The following BPIFB2 variants were observed in gnomAD, a reference collection of about 807,000 sequenced individuals.
BPIFB2 encodes BPI fold-containing family B member 2.
In BPIFB2, 39 loss-of-function variants were observed where a neutral mutation model predicts 50.1. The observed-to-expected ratio is 0.78, with a 90% CI of 0.60 to 1.02. The LOEUF is 1.02. Ranked by LOEUF, BPIFB2 falls within the 50% of genes least tolerant of loss-of-function variation. The pLI is 0.00. For synonymous variants in BPIFB2, 280 were observed against 256.3 expected (o/e 1.09, Z -0.88); for missense variants, 574 against 585.8 (o/e 0.98, Z 0.21).
intron 3 of BPIFB2, among the ~76,000 whole-genome samples, chr20:33,011,659 AAT>A (rs1377057626): frequency 1.3e-5 from 2 of 152,318 alleles, no homozygotes; most frequent in South Asian, 4.1e-4. Flanking sequence ...GAATCCATCA[AAT>A]TTGGAATGAT....
chr20:33,018,737 T>C lies in BPIFB2; in HGVS notation c.770T>C (p.Val257Ala). The change falls in exon 9 of 16, where the codon GTG (valine) becomes GCG (alanine). Residue 257 changes from valine (V) to alanine (A), a missense_variant. By Grantham distance (64) the Val-to-Ala change is moderately conservative (BLOSUM62 0). Coordinates refer to ENST00000170150, the MANE Select transcript of BPIFB2 (RefSeq NM_025227.3). ...HVGTEGSMAT[V>A]GLSQQLFDSA... ...GGTACCGAGGGCTCCATGGCCACCGTGGGCCTCTCCCAGCAGCTGTTTGAC... is the reference window on the plus strand; with the variant it reads ...GGTACCGAGGGCTCCATGGCCACCGCGGGCCTCTCCCAGCAGCTGTTTGAC... The C allele has an allele frequency of 1.2e-6, 2 of 1,614,242 alleles. No homozygotes were observed. Among genetic ancestry groups the C allele is most frequent in the Non-Finnish European group, 1.7e-6 (2 of 1,180,038 alleles).
At chr20:33,014,029 C>T in intron 5 of BPIFB2, 73 bp downstream of exon 5, 1 of 1,531,990 alleles carries the variant, frequency 6.5e-7, no homozygotes, top group Non-Finnish European at 8.8e-7. Flanking sequence ...CTGAGCTGCC[C>T]ACTCAGGACT....
chr20:33,023,228 C>A, intron 15 of BPIFB2, 114 bp from the exon 16 acceptor site: 1 of 1,085,546 alleles, frequency 9.2e-7, no homozygotes, highest in East Asian at 2.4e-5. Flanking sequence ...AAAGGACTCT[C>A]CTCACAACCC....
chr20:33,017,212 G>A, intron 7 of BPIFB2, 110 bp downstream of exon 7: 2 of 897,048 alleles, frequency 2.2e-6, no homozygotes, highest in Non-Finnish European at 3.3e-6. Flanking sequence ...AGGAGAGTCA[G>A]TTGTAGGGTG....
At chr20:33,011,212 C>A (rs747577958) in intron 3 of BPIFB2, 95 bp downstream of exon 3, 3 of 1,222,718 alleles carry the variant, frequency 2.5e-6, no homozygotes, top group Middle Eastern at 2.2e-4. Context: ...GGCATGTGCT[C>A]CTGCCTGCTG....
Position 33,015,423 on chromosome 20 carries a change from G to A in BPIFB2, c.456-13G>A. 1 of 1,610,702 alleles carries A rather than the reference G, an allele frequency of 6.2e-7. No homozygotes were observed. On this transcript the variant is annotated splice_polypyrimidine_tract_variant and intron_variant, in intron 5 of 15. Transcript: ENST00000170150. Reference sequence around the variant, plus strand: ...TTGGGAGCCCAGGAACTCTTTCTGTGTTTCTCCCTCAGCACCTCCCACGCG... The same window carrying A: ...TTGGGAGCCCAGGAACTCTTTCTGTATTTCTCCCTCAGCACCTCCCACGCG...
intron 6 of BPIFB2, 44 bp downstream of exon 6, chr20:33,015,540 C>T (rs1037846445): frequency 8.6e-6 from 13 of 1,517,032 alleles, no homozygotes; most frequent in South Asian, 1.1e-5. Flanking sequence ...CATGGCTTCA[C>T]CGAGAAGGCA....
chr20:33,023,539 G>A lies in BPIFB2; in HGVS notation c.*156G>A. The A allele has an allele frequency of 1.2e-6, 1 of 803,242 alleles. No homozygotes were observed. Among genetic ancestry groups the A allele is most frequent in the South Asian group, 1.6e-5 (1 of 63,214 alleles). 49.8% of individuals were successfully genotyped at this position (803,242 alleles called of 1,614,324 possible). On this transcript the variant is annotated 3_prime_UTR_variant, in exon 16 of 16. Transcript: ENST00000170150. ...CTGTTTTATCTTCCCTGAGTGCCTG[G>A]GTCTCCCTCCCTCACTTCTGCCCTT...
chr20:33,008,248 C>T (rs1263449863), intron 1 of BPIFB2, among the ~76,000 whole-genome samples: 1 of 152,214 alleles, frequency 6.6e-6, no homozygotes, highest in East Asian at 1.9e-4. Flanking sequence ...TCCTTCTATG[C>T]CATGGCTTGG....
intron 2 of BPIFB2, 124 bp downstream of exon 2, chr20:33,008,807 T>G (rs1315594415): frequency 2.5e-6 from 2 of 784,632 alleles, no homozygotes. Context: ...GGAAGTTGTG[T>G]CCCTGGCACC....
chr20:33,022,093 A>C (rs964415909), intron 15 of BPIFB2, among the ~76,000 whole-genome samples: 17 of 152,202 alleles, frequency 1.1e-4, no homozygotes, highest in African/African-American at 3.9e-4. Context: ...GGAGCAGATG[A>C]CAGTGGGACT....
intron 2 of BPIFB2, among the ~76,000 whole-genome samples, chr20:33,010,195 C>G (rs1443442558): frequency 6.6e-6 from 1 of 152,166 alleles, no homozygotes; most frequent in African/African-American, 2.4e-5. Flanking sequence ...CTCTCTGGGG[C>G]TCAGCAGCAC....
At chr20:33,013,684 G>A (rs1990318478) in intron 4 of BPIFB2, 126 bp from the exon 5 acceptor site, 1 of 1,362,930 alleles carries the variant, frequency 7.3e-7, no homozygotes, top group South Asian at 1.4e-5. Context: ...CTCACTCTGG[G>A]AGTGGGGGGC....
rs554959164 is a variant in BPIFB2 at position 33,018,993 on chromosome 20, G to A, written c.856-69G>A. ...GGCTATGGGGAGCGATTGCTCAGGG[G>A]GAAAGTGGTGATCTGTCTTGGGGAG... On this transcript the variant is annotated intron_variant, in intron 9 of 15. Transcript: ENST00000170150. 9.7e-5 allele frequency: 155 copies of A among 1,605,282 alleles called. No individual in the cohort carries two copies. In the Admixed American group the frequency reaches 1.1e-3, roughly 11 times the overall value.
At chr20:33,020,702 T>A in intron 13 of BPIFB2, 115 bp downstream of exon 13, 1 of 1,242,132 alleles carries the variant, frequency 8.1e-7, no homozygotes, top group Non-Finnish European at 1.1e-6. Flanking sequence ...TGTGCCACTA[T>A]AGTCAGGCTT....
chr20:33,013,611 C>T (rs1345139307), intron 4 of BPIFB2, among the ~76,000 whole-genome samples, 199 bp from the exon 5 acceptor site: 1 of 152,222 alleles, frequency 6.6e-6, no homozygotes, highest in African/African-American at 2.4e-5. Context: ...ACTGCTGCAA[C>T]GTCTATGACC....
intron 4 of BPIFB2, among the ~76,000 whole-genome samples, 171 bp downstream of exon 4, chr20:33,013,078 C>T (rs1176031325): frequency 2.6e-5 from 4 of 152,086 alleles, no homozygotes; most frequent in African/African-American, 7.2e-5. Context: ...ATAGTGAGAA[C>T]ATTTCTGAGA....
Position 33,023,402 on chromosome 20 carries a change from C to A in BPIFB2, c.*19C>A, listed in dbSNP as rs751018905. On this transcript the variant is annotated 3_prime_UTR_variant, in exon 16 of 16. Transcript: ENST00000170150. The stretch of plus-strand genomic sequence containing the variant: ...GAGCTGAGGCAAGACCACTGGGAGG[C>A]CTGAGAGTGGGCCAGCTCGCTGCTC... 2.2e-5 allele frequency: 35 copies of A among 1,613,048 alleles called. No homozygotes were observed. In the East Asian group the frequency reaches 7.6e-4, roughly 35 times the overall value.
At position 33,011,062 on chromosome 20, in the gene BPIFB2, C is replaced by T; in HGVS notation, c.148C>T (p.Gln50Ter). Reference sequence around the variant, plus strand: ...GAAAGCCCCTCTCCAGCGGGCCCTGCAGGTCACTGTCCCTCATTTCCTGGA... The same window carrying T: ...GAAAGCCCCTCTCCAGCGGGCCCTGTAGGTCACTGTCCCTCATTTCCTGGA... Reference protein sequence around the residue: ...IGKAPLQRALQVTVPHFLDWS... With the variant: ...IGKAPLQRAL The change falls in exon 3 of 16, where the codon CAG (glutamine) becomes TAG (stop). Residue 50 changes from glutamine to a stop codon, truncating the protein, a stop_gained. Coordinates refer to ENST00000170150, the MANE Select transcript of BPIFB2 (RefSeq NM_025227.3). LOFTEE classifies it high-confidence loss of function. 2.5e-6 allele frequency: 4 copies of T among 1,614,068 alleles called. No individual in the cohort carries two copies. Among genetic ancestry groups the T allele is most frequent in the Non-Finnish European group, 2.5e-6 (3 of 1,179,992 alleles).
Sources: allele counts gnomAD v4.1 joint callset (sites outside exome capture counted in the v4.1 genomes callset), GRCh38; gene constraint gnomAD v4.1.1; transcripts MANE v1.5; gene names NCBI Gene and HGNC (gene_info 2026-07-23, HGNC 2026-07-21).